Variants in SLX4IP observed in about 807,000 individuals in gnomAD.
SLX4IP encodes the protein SLX4 interacting protein.
In SLX4IP, 34 loss-of-function variants were observed where a neutral mutation model predicts 32.9. That is an observed-to-expected ratio of 1.03 (90% CI 0.79 to 1.38). The LOEUF (loss-of-function observed/expected upper bound fraction) is 1.38, where lower values mean the gene tolerates loss of function less well. Among genes scored for constraint, SLX4IP ranks in the 40% most tolerant of loss-of-function variants. SLX4IP has a pLI of 0.00. For synonymous variants in SLX4IP, 172 were observed against 171.7 expected, an observed-to-expected ratio of 1.00 and a Z score of -0.01; for missense variants, 444 against 479.0, an observed-to-expected ratio of 0.93 and a Z score of 0.68.
intron 2 of SLX4IP, among the ~76,000 whole-genome samples, chr20:10,490,633 A>G (rs2065614535): frequency 6.6e-6 from 1 of 152,186 alleles, no homozygotes; most frequent in Non-Finnish European, 1.5e-5. Flanking sequence ...CAGAGGATCC[A>G]GAAAGAATGG....
At chr20:10,439,868 C>T (rs970739702) in intron 1 of SLX4IP, among the ~76,000 whole-genome samples, 2 of 152,192 alleles carry the variant, frequency 1.3e-5, no homozygotes, top group South Asian at 2.1e-4. Context: ...TAAAACTCCC[C>T]TTTGTCAGGG....
intron 6 of SLX4IP, among the ~76,000 whole-genome samples, chr20:10,615,781 TCTAGTCC>T (rs1381008654): frequency 6.6e-6 from 1 of 152,118 alleles, no homozygotes. Context: ...CTGGTGAGGG[TCTAGTCC>T]CTGCCTCCAA....
chr20:10,499,197 T>C (rs1490865338), intron 2 of SLX4IP, among the ~76,000 whole-genome samples: 2 of 152,194 alleles, frequency 1.3e-5, no homozygotes, highest in Non-Finnish European at 2.9e-5. Context: ...CTTGGACTTT[T>C]ATAGCTTACT....
At chr20:10,593,659 C>A (rs771280850) in intron 4 of SLX4IP, among the ~76,000 whole-genome samples, 3 of 152,028 alleles carry the variant, frequency 2.0e-5, no homozygotes, top group Non-Finnish European at 4.4e-5. Context: ...TCATCTGAGC[C>A]CAGGAGGTTG....
At chr20:10,464,184 TTTTG>T (rs968096336) in intron 2 of SLX4IP, among the ~76,000 whole-genome samples, 12 of 152,016 alleles carry the variant, frequency 7.9e-5, no homozygotes, top group Admixed American at 2.6e-4. Context: ...CATTTTGTTT[TTTTG>T]TTTGTTTGTT....
chr20:10,579,693 T>C (rs1297124910), intron 4 of SLX4IP, among the ~76,000 whole-genome samples: 1 of 152,250 alleles, frequency 6.6e-6, no homozygotes, highest in Non-Finnish European at 1.5e-5. Flanking sequence ...CCCAAAGTGT[T>C]GGGATTACAG....
chr20:10,589,465 C>T (rs887302123), intron 4 of SLX4IP, among the ~76,000 whole-genome samples: 15 of 151,904 alleles, frequency 9.9e-5, no homozygotes, highest in Admixed American at 7.9e-4. Context: ...AGGAAATTGC[C>T]CTACTAGATT....
intron 1 of SLX4IP, among the ~76,000 whole-genome samples, chr20:10,444,226 C>T (rs1380962445): frequency 6.6e-6 from 1 of 152,178 alleles, no homozygotes; most frequent in Non-Finnish European, 1.5e-5. Context: ...GAGCTGCTGG[C>T]ATCACCATGT....
chr20:10,483,815 A>C (rs1447352178), intron 2 of SLX4IP, among the ~76,000 whole-genome samples: 1 of 122,048 alleles, frequency 8.2e-6, no homozygotes, highest in Non-Finnish European at 1.6e-5. Context: ...AAAGGAGGTC[A>C]TAAAACCTAG....
At chr20:10,602,286 C>T (rs2066850809) in intron 6 of SLX4IP, among the ~76,000 whole-genome samples, 1 of 127,430 alleles carries the variant, frequency 7.8e-6, no homozygotes, top group African/African-American at 3.4e-5. Flanking sequence ...CATTTTCTCC[C>T]TCTCTCTCTC....
intron 1 of SLX4IP, among the ~76,000 whole-genome samples, chr20:10,438,947 A>G (rs1296061027): frequency 6.6e-6 from 1 of 150,502 alleles, no homozygotes; most frequent in Non-Finnish European, 1.5e-5. Context: ...GTCTCAAGCA[A>G]TCCTGCCTCA....
chr20:10,547,595 C>T (rs2066175086), intron 2 of SLX4IP, among the ~76,000 whole-genome samples: 1 of 152,218 alleles, frequency 6.6e-6, no homozygotes, highest in Non-Finnish European at 1.5e-5. Flanking sequence ...CTTGTTCTGC[C>T]TGATTGACTG....
intron 1 of SLX4IP, among the ~76,000 whole-genome samples, chr20:10,453,287 C>G (rs144785785): frequency 6.8e-6 from 1 of 146,156 alleles, no homozygotes; most frequent in African/African-American, 2.5e-5. Context: ...ATATTCTCCA[C>G]GAGTTGTCTA....
chr20:10,496,035 A>AT (rs141892915), intron 2 of SLX4IP, among the ~76,000 whole-genome samples: 28,028 of 146,548 alleles, frequency 0.19, 2,965 homozygotes, highest in African/African-American at 0.28. Context: ...TGTTTGGTTG[A>AT]TTTTTTTTTT....
intron 2 of SLX4IP, among the ~76,000 whole-genome samples, chr20:10,524,870 C>T (rs1193908426): frequency 6.6e-6 from 1 of 152,152 alleles, no homozygotes; most frequent in African/African-American, 2.4e-5. Flanking sequence ...CTTGCTTGTT[C>T]CTCGGACATT....
intron 2 of SLX4IP, among the ~76,000 whole-genome samples, chr20:10,504,540 G>C (rs1232505345): frequency 6.6e-6 from 1 of 152,182 alleles, no homozygotes; most frequent in African/African-American, 2.4e-5. Flanking sequence ...AGAGGAAGTA[G>C]GAGGGTGCTT....
chr20:10,581,320 G>A lies in SLX4IP; in HGVS notation c.239-17355G>A, dbSNP rs142944201. ...ATTTGGCTTCATACAGAACCTTACA[G>A]GTGGCTTCATACAGAACCTTAGATG... is the stretch of plus-strand genomic sequence containing the variant. On this transcript the variant is annotated intron_variant, in intron 4 of 7. Coordinates refer to ENST00000334534, the MANE Select transcript of SLX4IP (RefSeq NM_001009608.3). Among the ~76,000 whole-genome samples, 372 of 152,254 alleles carry A rather than the reference G, an allele frequency of 2.4e-3. 1 individual carries two copies. Among genetic ancestry groups the A allele is most frequent in the African/African-American group, 8.7e-3 (360 of 41,546 alleles).
At chr20:10,574,404 C>G (rs1044203202) in intron 4 of SLX4IP, among the ~76,000 whole-genome samples, 4 of 152,116 alleles carry the variant, frequency 2.6e-5, no homozygotes, top group African/African-American at 9.7e-5. Context: ...CCCATCTCAC[C>G]CATCTGAACC....
chr20:10,555,614 C>T (rs192863455), intron 2 of SLX4IP, among the ~76,000 whole-genome samples: 1 of 152,246 alleles, frequency 6.6e-6, no homozygotes, highest in Admixed American at 6.5e-5. Flanking sequence ...TGCTGGACAG[C>T]GCTAGCCTAT....
Sources: gnomAD v4.1 joint callset for allele counts (sites outside exome capture counted in the v4.1 genomes callset) on GRCh38, gnomAD v4.1.1 for gene constraint, MANE v1.5 for transcripts, NCBI Gene and HGNC (gene_info 2026-07-23, HGNC 2026-07-21) for gene names.